Variants in NCKIPSD observed in about 807,000 individuals in gnomAD.
The protein encoded by NCKIPSD is NCK-interacting protein with SH3 domain.
Under a neutral mutation model 73.4 loss-of-function variants are expected in NCKIPSD, and 48 were observed. The ratio of observed to expected loss-of-function variants is 0.65; its 90% confidence interval spans 0.52 to 0.83. The LOEUF is 0.83. NCKIPSD is among the 40% of genes least tolerant of loss of function. NCKIPSD has a pLI of 0.00. For synonymous variants in NCKIPSD, 422 were observed against 403.6 expected (o/e 1.05, Z -0.54); for missense variants, 884 against 970.2 (o/e 0.91, Z 1.18).
At position 48,682,862 on chromosome 3, in the gene NCKIPSD, T is replaced by C. The variant is rs368793722; in HGVS notation, c.281+41A>G. The C allele has an allele frequency of 1.1e-4, 172 of 1,528,532 alleles. No individual in the cohort carries two copies. The African/African-American group carries it at 2.1e-3, about 19-fold the overall frequency. The allele number at this position is 1,528,532 out of a possible 1,614,324, so 94.7% of individuals were successfully genotyped here. ...CTCATTGAAGAACCCCACCCCACCATGCTCACCGGGAGGTCCCACTTCACT... is the reference window on the plus strand; with the variant it reads ...CTCATTGAAGAACCCCACCCCACCACGCTCACCGGGAGGTCCCACTTCACT... On this transcript the variant is annotated intron_variant, in intron 2 of 12. Coordinates refer to ENST00000294129, the MANE Select transcript of NCKIPSD (RefSeq NM_016453.4).
chr3:48,681,832 C>A, intron 4 of NCKIPSD, 52 bp from the exon 5 acceptor site: 1 of 1,457,998 alleles, frequency 6.9e-7, no homozygotes, highest in Middle Eastern at 2.1e-4. Context: ...GAAAACCATA[C>A]CCTTCACAGC....
At chr3:48,682,221 C>A in intron 3 of NCKIPSD, 65 bp from the exon 4 acceptor site, 1 of 1,566,324 alleles carries the variant, frequency 6.4e-7, no homozygotes, top group South Asian at 1.2e-5. Context: ...AGGCTCGGGC[C>A]CTGAGCCCTG....
rs140072076 is a variant in NCKIPSD, at chr3:48,678,655, G to A, written c.1874C>T (p.Pro625Leu). The A allele has an allele frequency of 3.4e-5, 55 of 1,614,076 alleles. No individual in the cohort carries two copies. The South Asian group carries it at 3.6e-4, about 11-fold the overall frequency. Residue 625 changes from proline (P) to leucine (L), a missense_variant, in exon 12 of 13, where the codon CCG becomes CTG. Physicochemically the swap from Pro to Leu is moderately conservative, Grantham distance 98. Transcript: ENST00000294129. ...LKFLQDVFGS[P>L]ATAAIFYHTD... Reference sequence around the variant, plus strand: ...GTGGTAGAAGATGGCAGCTGTGGCCGGGCTGCCAAACACGTCCTGCAGGAA... The same window carrying A: ...GTGGTAGAAGATGGCAGCTGTGGCCAGGCTGCCAAACACGTCCTGCAGGAA...
chr3:48,682,876 T>C, intron 2 of NCKIPSD, 27 bp downstream of exon 2: 1 of 1,534,234 alleles, frequency 6.5e-7, no homozygotes, highest in South Asian at 1.2e-5. Context: ...CACCGGGAGG[T>C]CCCACTTCAC....
intron 1 of NCKIPSD, among the ~76,000 whole-genome samples, chr3:48,683,636 G>C (rs2077389483): frequency 6.6e-6 from 1 of 152,180 alleles, no homozygotes; most frequent in South Asian, 2.1e-4. Flanking sequence ...TTCTGTGTTT[G>C]TGGCAAAGGA....
rs768716022 is a variant in NCKIPSD, at chr3:48,685,779, G to A, written c.29C>T (p.Ser10Leu). The A allele has an allele frequency of 3.9e-6, 6 of 1,530,242 alleles. No individual in the cohort carries two copies. The highest frequency in any genetic ancestry group is 1.2e-5 in the South Asian group (1 of 82,994). 94.8% of individuals were successfully genotyped at this position (1,530,242 alleles called of 1,614,324 possible). A position where few individuals can be genotyped will look rare whatever the true frequency, so the allele number is the denominator to read the frequency against. Residue 10 changes from serine (S) to leucine (L), a missense_variant, in exon 1 of 13, where the codon TCG (serine) becomes TTG (leucine). Transcript: ENST00000294129. ...GAACGCCAGCGCGTTGGGCTCCGCC[G>A]AGCGGAACGCGTACAGCGCGCGGTA... is the stretch of plus-strand genomic sequence containing the variant. MYRALYAFR[S>L]AEPNALAFAA...
rs1171424299 is a variant in NCKIPSD, at chr3:48,681,719, G to A, written c.660C>T (p.Ser220=). The A allele has an allele frequency of 6.5e-7, 1 of 1,549,110 alleles. No homozygotes were observed. The highest frequency in any genetic ancestry group is 8.7e-7 in the Non-Finnish European group (1 of 1,148,438). ...TGGTATAGAGCGTGTCCAGGGAGGT[G>A]CTGCTGACTGAGGAGCCGCTGGACA... ...NSVSSGSSVS[S]TSLDTLYTSS... Residue 220 remains serine (S), a synonymous_variant, in exon 5 of 13, where the codon AGC becomes AGT. Transcript: ENST00000294129.
chr3:48,679,952 G>T, intron 6 of NCKIPSD, 65 bp from the exon 7 acceptor site: 1 of 1,612,320 alleles, frequency 6.2e-7, no homozygotes, highest in Admixed American at 1.7e-5. Flanking sequence ...GCACAAGAGA[G>T]GGCTGAGCAC....
chr3:48,683,734 G>A (rs1295496190), intron 1 of NCKIPSD, among the ~76,000 whole-genome samples: 1 of 152,152 alleles, frequency 6.6e-6, no homozygotes, highest in Non-Finnish European at 1.5e-5. Context: ...CTGCCTATCT[G>A]ACATGGGGAG....
intron 5 of NCKIPSD, among the ~76,000 whole-genome samples, chr3:48,680,547 A>T (rs1039778577): frequency 2.6e-5 from 4 of 152,044 alleles, no homozygotes; most frequent in Non-Finnish European, 4.4e-5. Context: ...TTCCACACAA[A>T]ATGGCACAGG....
rs1286302950 is a variant in NCKIPSD, at chr3:48,685,686, C to T, written c.122G>A (p.Arg41His). ...CGGCACGTAGCCCGTCTCACCACTG[C>T]GCGCCCGCGCGGCCAGCCACCAGTG... is the stretch of plus-strand genomic sequence containing the variant. ...SAHWWLAARA[R>H]SGETGYVPPA... Residue 41 changes from arginine (R) to histidine (H), a missense_variant, in exon 1 of 13, where the codon CGC (arginine) becomes CAC (histidine). Arg to His is a conservative substitution (Grantham distance 29). Coordinates refer to ENST00000294129, the MANE Select transcript of NCKIPSD (RefSeq NM_016453.4). 6.6e-7 allele frequency: 1 copy of T among 1,525,960 alleles called. No homozygotes were observed. Among genetic ancestry groups the T allele is most frequent in the East Asian group, 2.5e-5 (1 of 39,266 alleles). The allele number at this position is 1,525,960 out of a possible 1,614,324, so 94.5% of individuals were successfully genotyped here. A position where few individuals can be genotyped will look rare whatever the true frequency, so the allele number is the denominator to read the frequency against.
chr3:48,682,448 G>C lies in NCKIPSD; in HGVS notation c.386C>G (p.Ala129Gly). 2 of 1,614,208 alleles carry C rather than the reference G, an allele frequency of 1.2e-6. No homozygotes were observed. The highest frequency in any genetic ancestry group is 1.7e-6 in the Non-Finnish European group (2 of 1,180,022). ...CACCCCATTGGGCTGCCTGGCTGCA[G>C]CAGCATCCAAGTGGTGGTCACTGGT... is the stretch of plus-strand genomic sequence containing the variant. Reference protein sequence around the residue: ...SSTSDHHLDAAAARQPNGVCR... With the variant: ...SSTSDHHLDAGAARQPNGVCR... Residue 129 changes from alanine to glycine, a missense_variant, in exon 3 of 13, where the codon GCT becomes GGT. Coordinates refer to ENST00000294129, the MANE Select transcript of NCKIPSD (RefSeq NM_016453.4).
At chr3:48,682,808 C>A in intron 2 of NCKIPSD, 95 bp downstream of exon 2, 2 of 1,483,048 alleles carry the variant, frequency 1.3e-6, no homozygotes, top group South Asian at 1.3e-5. Flanking sequence ...CCAACCCTCG[C>A]ATTTCCCAGG....
Position 48,682,898 on chromosome 3 carries a change from C to G in NCKIPSD, c.281+5G>C, listed in dbSNP as rs926177437. On this transcript the variant is annotated splice_donor_5th_base_variant and intron_variant, in intron 2 of 12. Coordinates refer to ENST00000294129, the MANE Select transcript of NCKIPSD (RefSeq NM_016453.4). ...AGGTCCCACTTCACTCCCCTCAACA[C>G]TCACTGGAGGACTCCACGCTGTTCC... 1 of 1,546,994 alleles carries G rather than the reference C, an allele frequency of 6.5e-7. No individual in the cohort carries two copies. Among genetic ancestry groups the G allele is most frequent in the African/African-American group, 1.4e-5 (1 of 72,982 alleles).
chr3:48,674,421 C>A lies in NCKIPSD; in HGVS notation c.*123G>T. ...CTTAAGTTCTACTTCAGGTGGGGGTCCTGCTCAGGTTCCTTCTGCCACCTT... is the reference window on the plus strand; with the variant it reads ...CTTAAGTTCTACTTCAGGTGGGGGTACTGCTCAGGTTCCTTCTGCCACCTT... On this transcript the variant is annotated 3_prime_UTR_variant, in exon 13 of 13. Transcript: ENST00000294129. 6.8e-7 allele frequency: 1 copy of A among 1,473,742 alleles called. No individual in the cohort carries two copies. Among genetic ancestry groups the A allele is most frequent in the Non-Finnish European group, 9.0e-7 (1 of 1,112,148 alleles). The allele number at this position is 1,473,742 out of a possible 1,614,324, so 91.3% of individuals were successfully genotyped here.
At position 48,685,817 on chromosome 3, in the gene NCKIPSD, C is replaced by T; in HGVS notation, c.-10G>A. 2.0e-6 allele frequency: 3 copies of T among 1,467,914 alleles called. No homozygotes were observed. Among genetic ancestry groups the T allele is most frequent in the Admixed American group, 2.5e-5 (1 of 40,342 alleles). The allele number at this position is 1,467,914 out of a possible 1,614,324, so 90.9% of individuals were successfully genotyped here. On this transcript the variant is annotated 5_prime_UTR_variant, in exon 1 of 13. Transcript: ENST00000294129. Reference sequence around the variant, plus strand: ...ACAGCGCGCGGTACATGAGGCCGGGCAGGGCAGGTGCAGGGAAGGTGGCAA... The same window carrying T: ...ACAGCGCGCGGTACATGAGGCCGGGTAGGGCAGGTGCAGGGAAGGTGGCAA...
Position 48,678,870 on chromosome 3 carries a change from C to A in NCKIPSD, c.1792+7G>T. ...AGTGGTACCCGCGCAGATTCCCGGG[C>A]CCTCACCCCCTCTGTTCAGGAGCAA... is the stretch of plus-strand genomic sequence containing the variant. On this transcript the variant is annotated splice_region_variant and intron_variant, in intron 11 of 12. Transcript: ENST00000294129. The A allele has an allele frequency of 6.2e-7, 1 of 1,613,826 alleles. No individual in the cohort carries two copies. The highest frequency in any genetic ancestry group is 2.2e-5 in the East Asian group (1 of 44,876).
At position 48,682,976 on chromosome 3, in the gene NCKIPSD, C is replaced by T. The variant is rs1481313590; in HGVS notation, c.208G>A (p.Ala70Thr). Reference sequence around the variant, plus strand: ...GCTGTGTTGTGTACAGCCTCGATGGCCCGGTCAATGGCCTGGAGGACATCC... The same window carrying T: ...GCTGTGTTGTGTACAGCCTCGATGGTCCGGTCAATGGCCTGGAGGACATCC... ...EQDVLQAIDR[A>T]IEAVHNTAMR... Residue 70 changes from alanine to threonine, a missense_variant, in exon 2 of 13, where the codon GCC (alanine) becomes ACC (threonine). Ala to Thr is a moderately conservative substitution (Grantham distance 58). Transcript: ENST00000294129. 6.4e-7 allele frequency: 1 copy of T among 1,551,550 alleles called. No individual in the cohort carries two copies. The highest frequency in any genetic ancestry group is 2.0e-5 in the Admixed American group (1 of 51,126).
At position 48,673,891 on chromosome 3, in the gene NCKIPSD, G is replaced by C; in HGVS notation, c.*653C>G. ...TTCCAAAGGAGAGCTACAGCACATA[G>C]GAAAATACACATGGCTTTTCAGTCT... On this transcript the variant is annotated 3_prime_UTR_variant, in exon 13 of 13. Coordinates refer to ENST00000294129, the MANE Select transcript of NCKIPSD (RefSeq NM_016453.4). 9.5e-7 allele frequency: 1 copy of C among 1,055,458 alleles called. No individual in the cohort carries two copies. The highest frequency in any genetic ancestry group is 5.4e-5 in the Admixed American group (1 of 18,510). The allele number at this position is 1,055,458 out of a possible 1,614,324, so 65.4% of individuals were successfully genotyped here. A position where few individuals can be genotyped will look rare whatever the true frequency, so the allele number is the denominator to read the frequency against.
Sources: allele counts gnomAD v4.1 joint callset (sites outside exome capture counted in the v4.1 genomes callset), GRCh38; gene constraint gnomAD v4.1.1; transcripts MANE v1.5; gene names NCBI Gene and HGNC (gene_info 2026-07-23, HGNC 2026-07-21).